NCOA1: variants seen among roughly 807,000 people sequenced by gnomAD.
The protein encoded by NCOA1 is nuclear receptor coactivator 1.
In NCOA1, 35 loss-of-function variants were observed where a neutral mutation model predicts 150.9. The ratio of observed to expected loss-of-function variants is 0.23; its 90% CI spans 0.18 to 0.31. The LOEUF (loss-of-function observed/expected upper bound fraction) is 0.31, where lower values mean the gene tolerates loss of function less well. Ranked by LOEUF, NCOA1 falls within the 10% of genes least tolerant of loss-of-function variation. The pLI is 1.00. For missense variants in NCOA1, 1,491 were observed against 1,749.3 expected (o/e 0.85, Z 2.63); for synonymous variants, 590 against 630.0 (o/e 0.94, Z 0.95).
Position 24,583,119 on chromosome 2 carries a change from A to G in NCOA1, c.-259-1357A>G, listed in dbSNP as rs185745520. Among the ~76,000 whole-genome samples the G allele has an allele frequency of 2.8e-3, 428 of 152,294 alleles. 2 individuals carry two copies. Among genetic ancestry groups the G allele is most frequent in the Non-Finnish European group, 5.2e-3 (357 of 68,008 alleles). ...CAGCAGAGAAAACAATCAACAGGGT[A>G]AAGAGACGACCTGAAGAATGGGAGA... On this transcript the variant is annotated intron_variant, in intron 2 of 22. Coordinates refer to ENST00000348332, the MANE Select transcript of NCOA1 (RefSeq NM_003743.5).
At chr2:24,669,280 A>G (rs1671579602) in intron 6 of NCOA1, among the ~76,000 whole-genome samples, 1 of 152,186 alleles carries the variant, frequency 6.6e-6, no homozygotes, top group Non-Finnish European at 1.5e-5. Flanking sequence ...GACTCCTTCC[A>G]TCTTTTTGGC....
At chr2:24,709,817 A>G (rs1303333418) in intron 13 of NCOA1, among the ~76,000 whole-genome samples, 1 of 152,242 alleles carries the variant, frequency 6.6e-6, no homozygotes, top group Non-Finnish European at 1.5e-5. Flanking sequence ...ATGTTGTGAC[A>G]TATTCATACA....
chr2:24,754,545 C>A (rs977996581), intron 20 of NCOA1, among the ~76,000 whole-genome samples: 1 of 152,320 alleles, frequency 6.6e-6, no homozygotes, highest in East Asian at 1.9e-4. Flanking sequence ...TCAAGTCTTT[C>A]CTTAAATGTC....
At chr2:24,726,187 G>A (rs3769669) in intron 14 of NCOA1, among the ~76,000 whole-genome samples, 25,080 of 151,986 alleles carry the variant, frequency 0.17, 2,497 homozygotes, top group Non-Finnish European at 0.23. Context: ...CTGATAGAAT[G>A]TATTTTATCT....
chr2:24,535,951 G>T (rs781060066), intron 1 of NCOA1, among the ~76,000 whole-genome samples: 4 of 152,138 alleles, frequency 2.6e-5, no homozygotes, highest in Non-Finnish European at 4.4e-5. Flanking sequence ...TTCTCGAGGA[G>T]TATCTTTATG....
chr2:24,500,290 T>G (rs1206310609), intron 1 of NCOA1, among the ~76,000 whole-genome samples: 1 of 152,176 alleles, frequency 6.6e-6, no homozygotes, highest in African/African-American at 2.4e-5. Context: ...GTATTTTTAG[T>G]GGAGACGGGG....
Position 24,769,548 on chromosome 2 carries a change from G to C in NCOA1, c.*1157G>C, listed in dbSNP as rs1665225595. On this transcript the variant is annotated 3_prime_UTR_variant, in exon 23 of 23. Transcript: ENST00000348332. ...TGTCCCTGGGATCATCTGAACAGAA[G>C]TGCACAGGCTACTTGTACAGAGAAA... 1 of 202,416 alleles carries C rather than the reference G, an allele frequency of 4.9e-6. No homozygotes were observed. Among genetic ancestry groups the C allele is most frequent in the South Asian group, 1.9e-4 (1 of 5,246 alleles). The allele number at this position is 202,416 out of a possible 1,614,324, so 12.5% of individuals were successfully genotyped here. A position where few individuals can be genotyped will look rare whatever the true frequency, so the allele number is the denominator to read the frequency against.
At chr2:24,679,242 G>A (rs1289085312) in intron 7 of NCOA1, among the ~76,000 whole-genome samples, 1 of 152,206 alleles carries the variant, frequency 6.6e-6, no homozygotes, top group East Asian at 1.9e-4. Context: ...CATAAAACCA[G>A]CTGTCAGGAC....
intron 14 of NCOA1, among the ~76,000 whole-genome samples, chr2:24,715,268 T>TA (rs1195249416): frequency 6.6e-6 from 1 of 152,192 alleles, no homozygotes; most frequent in Non-Finnish European, 1.5e-5. Context: ...TCTCATTTGT[T>TA]AGTTTCTTTA....
chr2:24,762,406 A>G (rs761774819), intron 21 of NCOA1, among the ~76,000 whole-genome samples: 2 of 152,218 alleles, frequency 1.3e-5, no homozygotes, highest in Non-Finnish European at 2.9e-5. Context: ...AAAGTGTACA[A>G]CTCAATAGAT....
chr2:24,752,209 G>A, intron 20 of NCOA1, 53 bp downstream of exon 20: 1 of 1,569,448 alleles, frequency 6.4e-7, no homozygotes, highest in Non-Finnish European at 8.7e-7. Context: ...ATAAATCCTT[G>A]ATACTGATAA....
intron 1 of NCOA1, among the ~76,000 whole-genome samples, chr2:24,559,251 G>A (rs1666200643): frequency 6.6e-6 from 1 of 152,156 alleles, no homozygotes; most frequent in Non-Finnish European, 1.5e-5. Flanking sequence ...GGCTGAATCA[G>A]TGTAATCAAG....
intron 1 of NCOA1, among the ~76,000 whole-genome samples, chr2:24,507,451 T>A (rs932515951): frequency 1.3e-5 from 2 of 151,518 alleles, no homozygotes; most frequent in Admixed American, 6.6e-5. Flanking sequence ...TTTTTTTTTT[T>A]TTTTAATGTT....
At position 24,576,157 on chromosome 2, in the gene NCOA1, T is replaced by TTGTTTTTTTGTTTTTTTGTTTTTG. The variant is rs1489890630; in HGVS notation, c.-259-8318_-259-8317insGTTTTTTTGTTTTTTTGTTTTTGT. Among the ~76,000 whole-genome samples the TTGTTTTTTTGTTTTTTTGTTTTTG allele has an allele frequency of 2.4e-4, 23 of 94,408 alleles. 1 individual carries two copies. Among genetic ancestry groups the TTGTTTTTTTGTTTTTTTGTTTTTG allele is most frequent in the African/African-American group, 8.1e-4 (19 of 23,526 alleles). The allele number at this position is 94,408 out of a possible 152,430, so 61.9% of individuals were successfully genotyped here. ...GAAATTATTTGGCCTTTGTTTTTTTTTTTTTGTTTTTTGTTTTTTTTTTTT... is the reference window on the plus strand; with the variant it reads ...GAAATTATTTGGCCTTTGTTTTTTTTTGTTTTTTTGTTTTTTTGTTTTTGTTTTTGTTTTTTGTTTTTTTTTTTT... On this transcript the variant is annotated intron_variant, in intron 2 of 22. Transcript: ENST00000348332.
intron 1 of NCOA1, among the ~76,000 whole-genome samples, chr2:24,524,616 A>T (rs1664573495): frequency 6.6e-6 from 1 of 151,598 alleles, no homozygotes; most frequent in Non-Finnish European, 1.5e-5. Flanking sequence ...ATGTATATAT[A>T]TATTTTTTGA....
intron 10 of NCOA1, 104 bp downstream of exon 10, chr2:24,693,451 C>A: frequency 3.0e-6 from 3 of 984,262 alleles, no homozygotes; most frequent in Non-Finnish European, 4.8e-6. Flanking sequence ...GAGATTTAGG[C>A]TTTGCTCCCT....
rs1667623123 is a variant in NCOA1, at chr2:24,590,821, G to A, written c.-175+6261G>A. On this transcript the variant is annotated intron_variant, in intron 3 of 22. Transcript: ENST00000348332. ...AGGCATGGGGAAATCAGCAATTCCTGTGCTCCTTTCCTGATTTATTTTCTC... is the reference window on the plus strand; with the variant it reads ...AGGCATGGGGAAATCAGCAATTCCTATGCTCCTTTCCTGATTTATTTTCTC... Among the ~76,000 whole-genome samples the A allele has an allele frequency of 1.3e-5, 2 of 152,088 alleles. 1 individual carries two copies. Among genetic ancestry groups the A allele is most frequent in the South Asian group, 4.2e-4 (2 of 4,818 alleles).
At chr2:24,604,068 G>A (rs376601173) in intron 3 of NCOA1, among the ~76,000 whole-genome samples, 47 of 152,302 alleles carry the variant, frequency 3.1e-4, no homozygotes, top group African/African-American at 1.1e-3. Context: ...CAGAGTTCTT[G>A]GGTGGCCAGG....
intron 19 of NCOA1, among the ~76,000 whole-genome samples, chr2:24,743,187 T>C (rs916775055): frequency 1.3e-5 from 2 of 152,222 alleles, no homozygotes; most frequent in Non-Finnish European, 1.5e-5. Context: ...CCCTTGATTA[T>C]ATAAATGAAA....
Sources: gnomAD v4.1 joint callset for allele counts (sites outside exome capture counted in the v4.1 genomes callset) on GRCh38, gnomAD v4.1.1 for gene constraint, MANE v1.5 for transcripts, NCBI Gene and HGNC (gene_info 2026-07-23, HGNC 2026-07-21) for gene names.